FOCAD: variants seen among roughly 807,000 people sequenced by gnomAD.
FOCAD encodes the protein focadhesin.
In FOCAD, 198 loss-of-function variants were observed where a neutral mutation model predicts 225.6. The ratio of observed to expected loss-of-function variants is 0.88; its 90% CI spans 0.78 to 0.99. FOCAD has a LOEUF of 0.99. Among genes scored for constraint, FOCAD ranks in the 50% least tolerant of loss-of-function variants. FOCAD has a pLI of 0.00. For missense variants in FOCAD, 2,713 were observed against 2,123.6 expected, an observed-to-expected ratio of 1.28 and a Z score of -5.46; for synonymous variants, 897 against 755.0, an observed-to-expected ratio of 1.19 and a Z score of -3.08.
At chr9:20,785,111 T>C (rs528436126) in intron 10 of FOCAD, among the ~76,000 whole-genome samples, 1 of 152,258 alleles carries the variant, frequency 6.6e-6, no homozygotes, top group East Asian at 1.9e-4. Flanking sequence ...TTTGATTTTA[T>C]CTCACACTCT....
At chr9:20,948,716 A>G (rs1837416560) in intron 31 of FOCAD, 135 bp from the exon 32 acceptor site, 1 of 874,910 alleles carries the variant, frequency 1.1e-6, no homozygotes, top group Non-Finnish European at 1.8e-6. Flanking sequence ...TTTTTGGTTC[A>G]GTTATACAGG....
At chr9:20,687,029 T>C (rs1000583407) in intron 1 of FOCAD, among the ~76,000 whole-genome samples, 2 of 152,106 alleles carry the variant, frequency 1.3e-5, no homozygotes, top group African/African-American at 4.8e-5. Context: ...TCAGGTCATA[T>C]TGAAAGTAAT....
upstream of FOCAD, among the ~76,000 whole-genome samples, chr9:20,681,402 G>T (rs948093212): frequency 6.6e-6 from 1 of 151,434 alleles, no homozygotes; most frequent in Non-Finnish European, 1.5e-5. Context: ...GGCCTGAGAG[G>T]GTACTTTTAA....
At chr9:20,766,766 CT>C (rs1041834601) in intron 7 of FOCAD, among the ~76,000 whole-genome samples, 10 of 151,794 alleles carry the variant, frequency 6.6e-5, no homozygotes, top group African/African-American at 1.9e-4. Flanking sequence ...TTTATTGTTG[CT>C]CAAAATATGC....
intron 9 of FOCAD, among the ~76,000 whole-genome samples, chr9:20,779,611 G>A (rs941648417): frequency 4.6e-5 from 7 of 152,066 alleles, no homozygotes; most frequent in South Asian, 2.1e-4. Flanking sequence ...TTAGCCAGGC[G>A]TGGTGGCGCA....
intron 15 of FOCAD, among the ~76,000 whole-genome samples, chr9:20,832,302 A>G (rs7030843): frequency 0.24 from 36,137 of 151,914 alleles, 4,361 homozygotes; most frequent in Non-Finnish European, 0.26. Flanking sequence ...ATTCTCTCCA[A>G]CATGTACTTT....
intron 11 of FOCAD, among the ~76,000 whole-genome samples, chr9:20,795,716 A>G (rs1283057133): frequency 2.1e-5 from 3 of 141,130 alleles, no homozygotes; most frequent in African/African-American, 8.0e-5. Context: ...CCTGGGAGGC[A>G]GAGCTTACAG....
intron 19 of FOCAD, among the ~76,000 whole-genome samples, chr9:20,877,692 C>T (rs574278243): frequency 6.6e-6 from 1 of 152,062 alleles, no homozygotes; most frequent in Non-Finnish European, 1.5e-5. Flanking sequence ...CAAAATCATT[C>T]GAAAACCTCA....
chr9:20,751,888 T>C (rs1828584951), intron 5 of FOCAD, among the ~76,000 whole-genome samples: 1 of 144,582 alleles, frequency 6.9e-6, no homozygotes, highest in Non-Finnish European at 1.5e-5. Flanking sequence ...TGGTTTTGAT[T>C]TGCATTTCTC....
intron 19 of FOCAD, 21 bp downstream of exon 19, chr9:20,874,828 G>A (rs764133159): frequency 6.2e-7 from 1 of 1,613,104 alleles, no homozygotes; most frequent in South Asian, 1.1e-5. Context: ...TTTGGTAGTA[G>A]AGAAGCTAGC....
rs540751471 is a variant in FOCAD at position 20,759,106 on chromosome 9, T to G, written c.494+915T>G. Among the ~76,000 whole-genome samples the G allele has an allele frequency of 3.4e-3, 511 of 151,986 alleles. 1 individual carries two copies. The highest frequency in any genetic ancestry group is 0.01 in the African/African-American group (421 of 41,452). On this transcript the variant is annotated intron_variant, in intron 6 of 43. Transcript: ENST00000338382. ...AGGAGAACTACAAACCACTGCTCAA[T>G]GAAATAAAAGAGGATACAAACAAAT...
chr9:20,880,770 A>G (rs1156255026), intron 19 of FOCAD, among the ~76,000 whole-genome samples: 1 of 152,194 alleles, frequency 6.6e-6, no homozygotes, highest in Non-Finnish European at 1.5e-5. Context: ...ATGAAATTCC[A>G]GTTAGGTGGA....
chr9:20,674,892 A>G (rs919770345), intron 2 of FOCAD, among the ~76,000 whole-genome samples: 8 of 152,136 alleles, frequency 5.3e-5, no homozygotes, highest in African/African-American at 1.7e-4. Flanking sequence ...CCCAATACCT[A>G]CTTAATAAGT....
intron 16 of FOCAD, among the ~76,000 whole-genome samples, chr9:20,865,425 A>G (rs1020418910): frequency 3.9e-5 from 6 of 152,224 alleles, no homozygotes; most frequent in Non-Finnish European, 7.4e-5. Context: ...TTTTATGCTT[A>G]ATCAATTATT....
intron 18 of FOCAD, among the ~76,000 whole-genome samples, chr9:20,868,493 A>G (rs577482993): frequency 1.1e-4 from 16 of 152,192 alleles, no homozygotes; most frequent in African/African-American, 3.6e-4. Flanking sequence ...TATAAGTGCT[A>G]TACTCAGCCA....
chr9:20,918,706 A>C lies in FOCAD; in HGVS notation c.2852+1769A>C, dbSNP rs556246107. On this transcript the variant is annotated intron_variant, in intron 24 of 43. Transcript: ENST00000338382. ...GCCACTGCACTCCAGCCTGGGTGAC[A>C]GAGCGAGACTCCGTCTCAAAAAAAA... 9.4e-4 allele frequency among the ~76,000 whole-genome samples: 141 copies of C among 150,676 alleles called. 1 individual carries two copies. The East Asian group carries it at 0.026, about 28-fold the overall frequency.
intron 15 of FOCAD, among the ~76,000 whole-genome samples, chr9:20,845,269 C>G (rs1052205540): frequency 6.6e-5 from 10 of 151,654 alleles, no homozygotes; most frequent in Admixed American, 6.6e-5. Context: ...AAAAATTTAC[C>G]CATATGTCAC....
chr9:20,986,407 G>C lies in FOCAD; in HGVS notation c.4848G>C (p.Leu1616Phe), dbSNP rs1841175565. 6.2e-7 allele frequency: 1 copy of C among 1,612,948 alleles called. No homozygotes were observed. Among genetic ancestry groups the C allele is most frequent in the Non-Finnish European group, 8.5e-7 (1 of 1,179,770 alleles). Residue 1616 changes from leucine (L) to phenylalanine (F), a missense_variant, in exon 40 of 44, where the codon TTG (leucine) becomes TTC (phenylalanine). Transcript: ENST00000338382. ...TGCAGCACCGTGAGAAAGAGGTGTTGGCCTGGATGATTCTGCACAGCTTAT... is the reference window on the plus strand; with the variant it reads ...TGCAGCACCGTGAGAAAGAGGTGTTCGCCTGGATGATTCTGCACAGCTTAT... The part of the protein sequence containing the change: ...VAVQHREKEV[L>F]AWMILHSLYQ...
intron 41 of FOCAD, 114 bp from the exon 42 acceptor site, chr9:20,990,009 G>A: frequency 8.1e-7 from 1 of 1,239,938 alleles, no homozygotes. Context: ...AGGAGGGACT[G>A]GTTGGGTGAA....
Sources: allele counts gnomAD v4.1 joint callset (sites outside exome capture counted in the v4.1 genomes callset), GRCh38; gene constraint gnomAD v4.1.1; transcripts MANE v1.5; gene names NCBI Gene and HGNC (gene_info 2026-07-23, HGNC 2026-07-21).